The following KCNQ5 variants were observed in gnomAD, a reference collection of about 807,000 sequenced individuals.
The protein encoded by KCNQ5 is potassium voltage-gated channel subfamily KQT member 5.
KCNQ5 carries 30 observed loss-of-function variants against 98.2 expected under a neutral mutation model. That is an observed-to-expected ratio of 0.31 (90% CI 0.23 to 0.41). KCNQ5 has a LOEUF of 0.41. KCNQ5 is among the 10% of genes least tolerant of loss of function. The probability of loss-of-function intolerance (pLI) is 1.00; values close to 1 mark genes in which losing one functional copy is unlikely to be tolerated. For missense variants in KCNQ5, 835 were observed against 1,182.5 expected, an observed-to-expected ratio of 0.71 and a Z score of 4.31; for synonymous variants, 458 against 449.4, an observed-to-expected ratio of 1.02 and a Z score of -0.24.
intron 1 of KCNQ5, among the ~76,000 whole-genome samples, chr6:72,757,810 G>A (rs1294204016): frequency 2.0e-5 from 3 of 151,950 alleles, no homozygotes; most frequent in Non-Finnish European, 4.4e-5. Context: ...AAATAGTACT[G>A]GATTTAAATT....
intron 1 of KCNQ5, among the ~76,000 whole-genome samples, chr6:72,807,811 A>G (rs1262491703): frequency 6.6e-6 from 1 of 152,176 alleles, no homozygotes; most frequent in Non-Finnish European, 1.5e-5. Context: ...GACCCAAAGA[A>G]TAAATAATAA....
chr6:73,194,908 A>G lies in KCNQ5; in HGVS notation c.2293A>G (p.Thr765Ala). ...PAIKHLPRPE[T>A]LHPNPAGLQE... is the part of the protein sequence containing the mutation. ...CATCAAGCATCTGCCCAGGCCAGAA[A>G]CTCTGCACCCTAACCCTGCAGGCTT... Residue 765 changes from threonine (T) to alanine (A), a missense_variant, in exon 14 of 14, where the codon ACT (threonine) becomes GCT (alanine). By Grantham distance (58) the Thr-to-Ala change is moderately conservative (BLOSUM62 0). Around this residue, in one of 10 missense-constraint regions of KCNQ5, gnomAD observed 416 missense variants for 446.9 expected, o/e 0.93. Transcript: ENST00000370398. The G allele has an allele frequency of 6.2e-7, 1 of 1,614,150 alleles. No individual in the cohort carries two copies. The highest frequency in any genetic ancestry group is 8.5e-7 in the Non-Finnish European group (1 of 1,180,028).
intron 1 of KCNQ5, among the ~76,000 whole-genome samples, chr6:72,757,118 C>T (rs1348934407): frequency 1.3e-5 from 2 of 152,034 alleles, no homozygotes; most frequent in African/African-American, 2.4e-5. Flanking sequence ...AGAAATTTAA[C>T]ATTATCTATG....
intron 1 of KCNQ5, among the ~76,000 whole-genome samples, chr6:72,905,965 GTA>G (rs570279821): frequency 3.3e-5 from 5 of 152,146 alleles, no homozygotes; most frequent in African/African-American, 1.2e-4. Context: ...ACTCCCAAAA[GTA>G]TATACCCTTT....
intron 10 of KCNQ5, among the ~76,000 whole-genome samples, chr6:73,153,994 C>G (rs1036261572): frequency 2.3e-4 from 14 of 61,984 alleles, no homozygotes; most frequent in Non-Finnish European, 3.6e-4. Flanking sequence ...TTAAAATTAG[C>G]TCTTTAGAAT....
At chr6:72,654,438 G>A (rs1353803062) in intron 1 of KCNQ5, among the ~76,000 whole-genome samples, 1 of 152,022 alleles carries the variant, frequency 6.6e-6, no homozygotes, top group African/African-American at 2.4e-5. Context: ...CAGTAACCAA[G>A]GTACAGTAAA....
At chr6:72,766,869 G>A (rs888819809) in intron 1 of KCNQ5, among the ~76,000 whole-genome samples, 2 of 151,936 alleles carry the variant, frequency 1.3e-5, no homozygotes, top group Non-Finnish European at 2.9e-5. Flanking sequence ...GTTTAGAGTA[G>A]AAGATGAACT....
At chr6:73,022,101 A>G (rs970856217) in intron 2 of KCNQ5, among the ~76,000 whole-genome samples, 4 of 152,222 alleles carry the variant, frequency 2.6e-5, no homozygotes, top group African/African-American at 7.2e-5. Flanking sequence ...AATTACTGCA[A>G]AGACCTAGCC....
chr6:72,761,110 G>T (rs1772248729), intron 1 of KCNQ5, among the ~76,000 whole-genome samples: 1 of 152,098 alleles, frequency 6.6e-6, no homozygotes, highest in East Asian at 1.9e-4. Flanking sequence ...ATTTGACATT[G>T]TGAAGTTAAC....
intron 10 of KCNQ5, among the ~76,000 whole-genome samples, chr6:73,153,004 C>T (rs972575213): frequency 2.6e-5 from 4 of 152,192 alleles, no homozygotes; most frequent in Non-Finnish European, 4.4e-5. Flanking sequence ...GGGGTGAACT[C>T]TCATCTAAAG....
At chr6:72,986,800 C>T in intron 1 of KCNQ5, 1 of 1,381,144 alleles carries the variant, frequency 7.2e-7, no homozygotes, top group South Asian at 1.2e-5. Context: ...GCAAGAAGCT[C>T]AAATAACACA....
At chr6:72,776,254 G>A (rs1399986593) in intron 1 of KCNQ5, among the ~76,000 whole-genome samples, 1 of 152,112 alleles carries the variant, frequency 6.6e-6, no homozygotes, top group Non-Finnish European at 1.5e-5. Context: ...TAGAAAACAA[G>A]GAATAGTTGC....
intron 1 of KCNQ5, among the ~76,000 whole-genome samples, chr6:72,968,687 A>G (rs1305312395): frequency 1.3e-5 from 2 of 152,218 alleles, no homozygotes; most frequent in African/African-American, 4.8e-5. Flanking sequence ...AAAACTAACT[A>G]AAGTTTATTT....
chr6:72,945,265 T>A lies in KCNQ5; in HGVS notation c.399-58643T>A, dbSNP rs186704073. Among the ~76,000 whole-genome samples the A allele has an allele frequency of 3.3e-5, 5 of 152,282 alleles. No homozygotes were observed. The East Asian group carries it at 9.6e-4, about 29-fold the overall frequency. On this transcript the variant is annotated intron_variant, in intron 1 of 13. Transcript: ENST00000370398. ...TTTTTTCTTTTTCTTTTCTTTTTTTTATTATACTTTAAGTTTTAGGGTACA... is the reference window on the plus strand; with the variant it reads ...TTTTTTCTTTTTCTTTTCTTTTTTTAATTATACTTTAAGTTTTAGGGTACA...
At chr6:72,976,175 G>T (rs1002602126) in intron 1 of KCNQ5, among the ~76,000 whole-genome samples, 3 of 151,982 alleles carry the variant, frequency 2.0e-5, no homozygotes, top group African/African-American at 7.3e-5. Flanking sequence ...ATGTACTCCA[G>T]AGTTTCTATT....
chr6:72,941,545 T>TCC, intron 1 of KCNQ5, among the ~76,000 whole-genome samples: 9 of 111,480 alleles, frequency 8.1e-5, no homozygotes, highest in East Asian at 3.4e-4. Context: ...CCTCCTTCCT[T>TCC]TCCTTCTTCC....
rs978763329 is a variant in KCNQ5, at chr6:73,091,462, A to C, written c.918+13575A>C. 7.2e-5 allele frequency among the ~76,000 whole-genome samples: 11 copies of C among 152,148 alleles called. 2 individuals carry two copies. On this transcript the variant is annotated intron_variant, in intron 5 of 13. Transcript: ENST00000370398. ...TTTGTGCACATGTACCCCAGAACTT[A>C]AAGTATAATAAAAAAGATAAAATTC...
chr6:72,785,506 T>C (rs1403507743), intron 1 of KCNQ5, among the ~76,000 whole-genome samples: 1 of 151,808 alleles, frequency 6.6e-6, no homozygotes, highest in Admixed American at 6.6e-5. Flanking sequence ...AAAAATTAGC[T>C]GGACATGATG....
rs182119582 is a variant in KCNQ5 at position 72,790,760 on chromosome 6, T to C, written c.398+168173T>C. Among the ~76,000 whole-genome samples the C allele has an allele frequency of 5.3e-3, 809 of 152,248 alleles. 3 individuals carry two copies. Among genetic ancestry groups the C allele is most frequent in the Non-Finnish European group, 8.2e-3 (558 of 68,026 alleles). On this transcript the variant is annotated intron_variant, in intron 1 of 13. Coordinates refer to ENST00000370398, the MANE Select transcript of KCNQ5 (RefSeq NM_019842.4). ...GGAAAAACTTGGATAAATGTTTCTA[T>C]TAGGGAAAAATAAAGTCATTTAGAA...
Sources: allele counts gnomAD v4.1 joint callset (sites outside exome capture counted in the v4.1 genomes callset), GRCh38; gene constraint gnomAD v4.1.1; regional missense constraint gnomAD v4.1.1; transcripts MANE v1.5; gene names NCBI Gene and HGNC (gene_info 2026-07-23, HGNC 2026-07-21).